The following MAPK8IP3 variants were observed in gnomAD, a reference collection of about 807,000 sequenced individuals.
MAPK8IP3 encodes the protein C-Jun-amino-terminal kinase-interacting protein 3.
A neutral mutation model predicts 157.8 loss-of-function variants in MAPK8IP3; 49 were observed. The ratio of observed to expected loss-of-function variants is 0.31; its 90% CI spans 0.25 to 0.39. The LOEUF (loss-of-function observed/expected upper bound fraction) is 0.39, where lower values mean the gene tolerates loss of function less well. Among genes scored for constraint, MAPK8IP3 ranks in the 10% least tolerant of loss-of-function variants. The probability of loss-of-function intolerance (pLI) is 1.00; values close to 1 mark genes in which losing one functional copy is unlikely to be tolerated. For missense variants in MAPK8IP3, 1,478 were observed against 1,889.4 expected (o/e 0.78, Z 4.04); for synonymous variants, 897 against 777.7 (o/e 1.15, Z -2.55).
chr16:1,711,965 A>G (rs1017154286), intron 1 of MAPK8IP3, among the ~76,000 whole-genome samples: 3 of 151,046 alleles, frequency 2.0e-5, no homozygotes, highest in Admixed American at 1.3e-4. Context: ...AAAGAAAAAA[A>G]AAGAAAACTG....
At chr16:1,726,010 T>C (rs2038854013) in intron 2 of MAPK8IP3, among the ~76,000 whole-genome samples, 1 of 152,210 alleles carries the variant, frequency 6.6e-6, no homozygotes, top group Non-Finnish European at 1.5e-5. Flanking sequence ...TTGAAACCAA[T>C]CGGCTGCGGT....
At chr16:1,753,250 C>T (rs921047832) in intron 8 of MAPK8IP3, among the ~76,000 whole-genome samples, 1 of 152,116 alleles carries the variant, frequency 6.6e-6, no homozygotes, top group Non-Finnish European at 1.5e-5. Context: ...CATCGAATCT[C>T]AGACAACACC....
intron 4 of MAPK8IP3, among the ~76,000 whole-genome samples, chr16:1,731,225 A>T (rs1257272528): frequency 6.6e-6 from 1 of 152,160 alleles, no homozygotes; most frequent in Non-Finnish European, 1.5e-5. Context: ...GCTACTCTGG[A>T]GGCTGAGGCA....
At chr16:1,721,687 C>T (rs1281341496) in intron 1 of MAPK8IP3, among the ~76,000 whole-genome samples, 2 of 152,208 alleles carry the variant, frequency 1.3e-5, no homozygotes, top group East Asian at 1.9e-4. Context: ...TCAATCCACT[C>T]GCCTCGGCCT....
At position 1,768,982 on chromosome 16, in the gene MAPK8IP3, C is replaced by T. The variant is rs548816372; in HGVS notation, c.*158C>T. 22 of 798,914 alleles carry T rather than the reference C, an allele frequency of 2.8e-5. No homozygotes were observed. Among genetic ancestry groups the T allele is most frequent in the South Asian group, 8.7e-5 (5 of 57,230 alleles). 49.5% of individuals were successfully genotyped at this position (798,914 alleles called of 1,614,324 possible). ...TGGCCCCTCCAGCGGGCAGGGAGTG[C>T]GGGGATGCGGATCAGCTGGGAGGAG... is the stretch of plus-strand genomic sequence containing the variant. On this transcript the variant is annotated 3_prime_UTR_variant, in exon 32 of 32. Coordinates refer to ENST00000610761, the MANE Select transcript of MAPK8IP3 (RefSeq NM_001318852.2).
Position 1,766,565 on chromosome 16 carries a change from G to T in MAPK8IP3, c.2856G>T (p.Arg952=). ...CAGAGCCTGACAGCAGCAGCACACG[G>T]CCAGAGCCAGAGCCCAGCGGGGACC... ...NGPEPDSSST[R]PEPEPSGDPT... is the part of the protein sequence containing the mutation. Residue 952 remains arginine (R), a synonymous_variant, in exon 23 of 32, where the codon CGG becomes CGT. Transcript: ENST00000610761. 6.2e-7 allele frequency: 1 copy of T among 1,612,024 alleles called. No homozygotes were observed.
At position 1,724,686 on chromosome 16, in the gene MAPK8IP3, C is replaced by T. The variant is rs749129436; in HGVS notation, c.439+9C>T. The T allele has an allele frequency of 4.4e-6, 7 of 1,608,038 alleles. No individual in the cohort carries two copies. The highest frequency in any genetic ancestry group is 1.3e-5 in the African/African-American group (1 of 74,846). On this transcript the variant is annotated intron_variant, in intron 2 of 31. Coordinates refer to ENST00000610761, the MANE Select transcript of MAPK8IP3 (RefSeq NM_001318852.2). This position sits in a 1 kb window ranked among gnomAD's most constrained non-coding sequence, Gnocchi z 4.1. ...GAACTATGCCGATCAGAGTAAGTGG[C>T]TGGCGGGAGCCTGGAGGCGCGCTTG... is the stretch of plus-strand genomic sequence containing the variant.
Position 1,765,995 on chromosome 16 carries a change from T to A in MAPK8IP3, c.2482T>A (p.Phe828Ile). Reference protein sequence around the residue: ...SDSDYPPGEMFLDSDVNPEDP... With the variant: ...SDSDYPPGEMILDSDVNPEDP... ...CAGCGACTACCCTCCCGGGGAGATG[T>A]TCCTGGACAGCGACGTGAACCCAGA... The change falls in exon 21 of 32, where the codon TTC (phenylalanine) becomes ATC (isoleucine). Residue 828 changes from phenylalanine (F) to isoleucine (I), a missense_variant. Physicochemically the swap from Phe to Ile is conservative, Grantham distance 21. This residue lies in a region of MAPK8IP3 where 669 missense variants were observed against 759.8 expected (regional missense o/e 0.88). Coordinates refer to ENST00000610761, the MANE Select transcript of MAPK8IP3 (RefSeq NM_001318852.2). The A allele has an allele frequency of 6.2e-7, 1 of 1,612,744 alleles. No individual in the cohort carries two copies. The highest frequency in any genetic ancestry group is 1.1e-5 in the South Asian group (1 of 91,058).
Position 1,770,268 on chromosome 16 carries a change from A to C in MAPK8IP3, c.*1444A>C, listed in dbSNP as rs1469627793. On this transcript the variant is annotated 3_prime_UTR_variant, in exon 32 of 32. Coordinates refer to ENST00000610761, the MANE Select transcript of MAPK8IP3 (RefSeq NM_001318852.2). ...GATTCTCCTCAGGCTTTGGCCCTGC[A>C]AGCAAACCCACATATCTGCTCTGTA... 1 of 182,504 alleles carries C rather than the reference A, an allele frequency of 5.5e-6. No individual in the cohort carries two copies. Among genetic ancestry groups the C allele is most frequent in the African/African-American group, 2.3e-5 (1 of 42,638 alleles). 11.3% of individuals were successfully genotyped at this position (182,504 alleles called of 1,614,324 possible). A position where few individuals can be genotyped will look rare whatever the true frequency, so the allele number is the denominator to read the frequency against.
At chr16:1,718,188 ATT>A (rs34304224) in intron 1 of MAPK8IP3, among the ~76,000 whole-genome samples, 1 of 139,468 alleles carries the variant, frequency 7.2e-6, no homozygotes. Flanking sequence ...GAAGTAAATG[ATT>A]TTTTTTTTTT....
chr16:1,759,911 A>G (rs201467185), intron 10 of MAPK8IP3, 47 bp from the exon 11 acceptor site: 10 of 1,550,948 alleles, frequency 6.4e-6, no homozygotes, highest in African/African-American at 5.4e-5. Context: ...GGCATCAGTG[A>G]CCTGTTTTGA....
intron 8 of MAPK8IP3, among the ~76,000 whole-genome samples, chr16:1,756,623 A>AACACACACACACACACACAC (rs60461442): frequency 4.4e-5 from 6 of 135,606 alleles, no homozygotes; most frequent in Non-Finnish European, 6.3e-5. Context: ...TTTTTACTAA[A>AACACACACACACACACACAC]ACACACACAC....
Position 1,764,440 on chromosome 16 carries a change from C to T in MAPK8IP3, c.2261C>T (p.Thr754Met), listed in dbSNP as rs772187983. The T allele has an allele frequency of 3.5e-5, 57 of 1,608,020 alleles. No homozygotes were observed. Among genetic ancestry groups the T allele is most frequent in the Non-Finnish European group, 4.0e-5 (47 of 1,178,854 alleles). The change falls in exon 19 of 32, where the codon ACG becomes ATG. Residue 754 changes from threonine (T) to methionine (M), a missense_variant. Thr to Met is a moderately conservative substitution (Grantham distance 81, BLOSUM62 -1). Coordinates refer to ENST00000610761, the MANE Select transcript of MAPK8IP3 (RefSeq NM_001318852.2). ...EGDGEPKSAH[T>M]SPEKKKAKEL... ...GACGGCGAGCCCAAGAGCGCCCACACGTCTCCCGAGAAGAAGAAGGTGAGC... is the reference window on the plus strand; with the variant it reads ...GACGGCGAGCCCAAGAGCGCCCACATGTCTCCCGAGAAGAAGAAGGTGAGC...
At chr16:1,760,211 C>T in intron 11 of MAPK8IP3, 169 bp from the exon 12 acceptor site, 1 of 996,220 alleles carries the variant, frequency 1.0e-6, no homozygotes, top group Non-Finnish European at 1.5e-6. Flanking sequence ...GAGCCTCTAA[C>T]AAGGGTGCTA....
chr16:1,737,654 G>C (rs1312303593), intron 4 of MAPK8IP3, among the ~76,000 whole-genome samples: 1 of 87,736 alleles, frequency 1.1e-5, no homozygotes, highest in African/African-American at 4.6e-5. Flanking sequence ...GTGACTGTCC[G>C]TGTGAGCGTC....
intron 1 of MAPK8IP3, among the ~76,000 whole-genome samples, chr16:1,714,781 G>C (rs2038036547): frequency 6.6e-6 from 1 of 152,190 alleles, no homozygotes; most frequent in South Asian, 2.1e-4. Flanking sequence ...TGGCTACTGA[G>C]AAGAGTGAAC....
Position 1,768,724 on chromosome 16 carries a change from CG to C in MAPK8IP3, c.3916del (p.Glu1306ArgfsTer7). The stretch of plus-strand genomic sequence containing the variant: ...GCAGGAGACGGAGAGGACGACGAGA[CG>C]GAGGAGGGCGCAGGGGACATGAGCC... ...FRIGDGEDDE[T>X]EEGAGDMSQV... On this transcript the variant is annotated frameshift_variant, in exon 32 of 32. Coordinates refer to ENST00000610761, the MANE Select transcript of MAPK8IP3 (RefSeq NM_001318852.2). LOFTEE classifies it high-confidence loss of function. 1 of 1,612,662 alleles carries C rather than the reference CG, an allele frequency of 6.2e-7. No individual in the cohort carries two copies. Among genetic ancestry groups the C allele is most frequent in the Non-Finnish European group, 8.5e-7 (1 of 1,179,834 alleles).
At chr16:1,740,882 C>T (rs1387299753) in intron 4 of MAPK8IP3, among the ~76,000 whole-genome samples, 1 of 152,202 alleles carries the variant, frequency 6.6e-6, no homozygotes, top group Non-Finnish European at 1.5e-5. Flanking sequence ...ACGAGACTGA[C>T]ACTGAGAAGG....
Position 1,765,861 on chromosome 16 carries a change from A to T in MAPK8IP3, c.2447-99A>T, listed in dbSNP as rs899751001. The T allele has an allele frequency of 4.1e-5, 47 of 1,141,976 alleles. No homozygotes were observed. In the African/African-American group the frequency reaches 6.7e-4, roughly 16 times the overall value. The allele number at this position is 1,141,976 out of a possible 1,614,324, so 70.7% of individuals were successfully genotyped here. A position where few individuals can be genotyped will look rare whatever the true frequency, so the allele number is the denominator to read the frequency against. ...AAGCTGGGTCTGCTGGGAAAGTGGAAGGCCAGCCCCGGCTTCCTCTGCCCC... is the reference window on the plus strand; with the variant it reads ...AAGCTGGGTCTGCTGGGAAAGTGGATGGCCAGCCCCGGCTTCCTCTGCCCC... On this transcript the variant is annotated intron_variant, in intron 20 of 31. Transcript: ENST00000610761.
Sources: allele counts gnomAD v4.1 joint callset (sites outside exome capture counted in the v4.1 genomes callset), GRCh38; gene constraint gnomAD v4.1.1; regional missense constraint gnomAD v4.1.1; non-coding constraint Gnocchi (gnomAD v3.1); transcripts MANE v1.5; gene names NCBI Gene and HGNC (gene_info 2026-07-23, HGNC 2026-07-21).